Variants in MICAL3 observed in about 807,000 individuals in gnomAD.
MICAL3 encodes the protein [F-actin]-monooxygenase MICAL3.
Under a neutral mutation model 207.4 loss-of-function variants are expected in MICAL3, and 62 were observed. The ratio of observed to expected loss-of-function variants is 0.30; its 90% CI spans 0.24 to 0.37. MICAL3 has a LOEUF of 0.37. MICAL3 is among the 10% of genes least tolerant of loss of function. MICAL3 has a pLI of 1.00. For synonymous variants in MICAL3, 1,077 were observed against 1,069.3 expected (o/e 1.01, Z -0.14); for missense variants, 2,368 against 2,635.6 (o/e 0.90, Z 2.22).
rs544183032 is a variant in MICAL3, at chr22:17,947,984, A to C, written c.-74-41098T>G. 4.1e-3 allele frequency among the ~76,000 whole-genome samples: 626 copies of C among 151,800 alleles called. 3 individuals are homozygous for C. The highest frequency in any genetic ancestry group is 5.9e-3 in the Admixed American group (90 of 15,254). On this transcript the variant is annotated intron_variant, in intron 1 of 31. Transcript: ENST00000441493. ...AATAGCAAAAGTTTAAAAAAAAAAA[A>C]CCCACAAAACTGCCAGTACAGATCC...
chr22:17,992,683 C>T (rs947556639), intron 1 of MICAL3, among the ~76,000 whole-genome samples: 1 of 152,144 alleles, frequency 6.6e-6, no homozygotes, highest in African/African-American at 2.4e-5. Context: ...TAGGGCCTAG[C>T]ACGGTGCTCA....
Position 17,906,862 on chromosome 22 carries a change from G to T in MICAL3, c.-50C>A. On this transcript the variant is annotated 5_prime_UTR_variant, in exon 2 of 32. Coordinates refer to ENST00000441493, the MANE Select transcript of MICAL3 (RefSeq NM_015241.3). ...AGAGGGGGAGGTGGGATGGCTGTGG[G>T]TCCACCTGACACTGTCACGTTAATC... 1.3e-6 allele frequency: 2 copies of T among 1,506,700 alleles called. No homozygotes were observed. The highest frequency in any genetic ancestry group is 2.6e-5 in the South Asian group (2 of 76,332). The allele number at this position is 1,506,700 out of a possible 1,614,324, so 93.3% of individuals were successfully genotyped here.
At chr22:18,012,171 T>G (rs9618183) in intron 1 of MICAL3, among the ~76,000 whole-genome samples, 23,995 of 151,570 alleles carry the variant, frequency 0.16, 2,565 homozygotes, top group African/African-American at 0.29. Context: ...GGAGACGAAG[T>G]TTGCAGTGAG....
intron 28 of MICAL3, among the ~76,000 whole-genome samples, chr22:17,810,396 C>A (rs900450537): frequency 1.3e-5 from 2 of 151,974 alleles, no homozygotes; most frequent in Non-Finnish European, 2.9e-5. Context: ...CGGGGTTTTG[C>A]CATGTTGGCC....
chr22:17,966,257 C>A (rs1935135509), intron 1 of MICAL3, among the ~76,000 whole-genome samples: 1 of 152,194 alleles, frequency 6.6e-6, no homozygotes. Flanking sequence ...TAACTGCCCT[C>A]CAAAGTGGCC....
chr22:17,954,177 C>T (rs889726884), intron 1 of MICAL3, among the ~76,000 whole-genome samples: 5 of 152,014 alleles, frequency 3.3e-5, no homozygotes, highest in African/African-American at 1.2e-4. Context: ...TCATCCTTAG[C>T]GCCTAGAACC....
chr22:17,879,266 C>CT (rs1431507254), intron 16 of MICAL3: 4 of 1,285,290 alleles, frequency 3.1e-6, no homozygotes, highest in Non-Finnish European at 4.3e-6. Context: ...CCCCATATCC[C>CT]TTCCCGCTGC....
intron 1 of MICAL3, among the ~76,000 whole-genome samples, chr22:17,925,572 C>T (rs1260984672): frequency 6.6e-6 from 1 of 152,176 alleles, no homozygotes; most frequent in Non-Finnish European, 1.5e-5. Context: ...GAGCTCAGAG[C>T]AGGCAGAAAG....
intron 1 of MICAL3, among the ~76,000 whole-genome samples, chr22:17,947,962 A>G (rs1934152978): frequency 6.6e-6 from 1 of 151,568 alleles, no homozygotes. Context: ...TGTGTTTAAT[A>G]GCAAAAGTTT....
At chr22:17,981,925 A>G (rs1416690968) in intron 1 of MICAL3, among the ~76,000 whole-genome samples, 1 of 152,082 alleles carries the variant, frequency 6.6e-6, no homozygotes, top group Non-Finnish European at 1.5e-5. Context: ...TAACATAGTG[A>G]GACCTTGCCT....
chr22:17,856,139 G>A lies in MICAL3; in HGVS notation c.2605+8760C>T, dbSNP rs562245474. On this transcript the variant is annotated intron_variant, in intron 19 of 31. Coordinates refer to ENST00000441493, the MANE Select transcript of MICAL3 (RefSeq NM_015241.3). Reference sequence around the variant, plus strand: ...TAGCGACCGCTGCTGCCGCTACTGTGTGTCTCCCAGCATCGTCTTCTGTGA... The same window carrying A: ...TAGCGACCGCTGCTGCCGCTACTGTATGTCTCCCAGCATCGTCTTCTGTGA... 3.9e-5 allele frequency among the ~76,000 whole-genome samples: 6 copies of A among 152,254 alleles called. No homozygotes were observed. In the South Asian group the frequency reaches 1.0e-3, roughly 26 times the overall value.
At chr22:17,795,017 C>T (rs2061860563) in intron 29 of MICAL3, among the ~76,000 whole-genome samples, 1 of 152,226 alleles carries the variant, frequency 6.6e-6, no homozygotes, top group Non-Finnish European at 1.5e-5. Flanking sequence ...GGCTGAGAGG[C>T]CGCTCAGCGG....
chr22:17,984,398 T>C (rs1167513494), intron 1 of MICAL3, among the ~76,000 whole-genome samples: 1 of 152,220 alleles, frequency 6.6e-6, no homozygotes, highest in Non-Finnish European at 1.5e-5. Flanking sequence ...AAGGCCTCCC[T>C]GGAGACTCGG....
At chr22:17,791,415 C>T in intron 29 of MICAL3, 114 bp from the exon 30 acceptor site, 1 of 911,284 alleles carries the variant, frequency 1.1e-6, no homozygotes, top group South Asian at 1.5e-5. Flanking sequence ...CCGGAACTTC[C>T]ACTCCCAAGC....
chr22:17,928,895 C>T (rs982672928), intron 1 of MICAL3, among the ~76,000 whole-genome samples: 2 of 151,794 alleles, frequency 1.3e-5, no homozygotes, highest in African/African-American at 2.4e-5. Flanking sequence ...CCCGGGTTCA[C>T]GCCTTTCTCC....
intron 1 of MICAL3, among the ~76,000 whole-genome samples, chr22:17,930,885 G>A (rs1305777706): frequency 6.6e-6 from 1 of 152,218 alleles, no homozygotes; most frequent in Non-Finnish European, 1.5e-5. Flanking sequence ...TCTTCCTCAC[G>A]CTGGCCCTGC....
intron 29 of MICAL3, among the ~76,000 whole-genome samples, chr22:17,797,379 A>C (rs1157643437): frequency 6.6e-6 from 1 of 152,128 alleles, no homozygotes; most frequent in Non-Finnish European, 1.5e-5. Context: ...CTATAGTCCC[A>C]GCTACTCAGG....
chr22:17,939,081 T>C (rs1363017699), intron 1 of MICAL3, among the ~76,000 whole-genome samples: 1 of 152,154 alleles, frequency 6.6e-6, no homozygotes, highest in Non-Finnish European at 1.5e-5. Context: ...AGTGGATTAA[T>C]GGGTTATCAT....
chr22:17,825,887 T>G (rs1421706016), intron 22 of MICAL3, among the ~76,000 whole-genome samples: 2 of 152,188 alleles, frequency 1.3e-5, no homozygotes. Context: ...CTCAGGCTGC[T>G]CAACGATCTC....
Sources: gnomAD v4.1 joint callset for allele counts (sites outside exome capture counted in the v4.1 genomes callset) on GRCh38, gnomAD v4.1.1 for gene constraint, MANE v1.5 for transcripts, NCBI Gene and HGNC (gene_info 2026-07-23, HGNC 2026-07-21) for gene names.